The following CNTNAP2 variants were observed in gnomAD, a reference collection of about 807,000 sequenced individuals.
CNTNAP2 encodes contactin-associated protein-like 2.
In CNTNAP2, 98 loss-of-function variants were observed where a neutral mutation model predicts 155.2. The observed-to-expected ratio is 0.63, with a 90% confidence interval of 0.54 to 0.75. CNTNAP2 has a LOEUF of 0.75. Among genes scored for constraint, CNTNAP2 ranks in the 30% least tolerant of loss-of-function variants. The probability of loss-of-function intolerance (pLI) is 0.00; values close to 1 mark genes in which losing one functional copy is unlikely to be tolerated. For synonymous variants in CNTNAP2, 651 were observed against 631.2 expected (o/e 1.03, Z -0.47); for missense variants, 1,727 against 1,688.1 (o/e 1.02, Z -0.40).
chr7:146,547,033 C>G (rs531685307), intron 1 of CNTNAP2, among the ~76,000 whole-genome samples: 4 of 151,580 alleles, frequency 2.6e-5, no homozygotes, highest in Non-Finnish European at 5.9e-5. Flanking sequence ...TCGTTTAGGT[C>G]GTAAGCACTT....
chr7:146,731,385 T>A (rs1801523223), intron 1 of CNTNAP2, among the ~76,000 whole-genome samples: 1 of 151,584 alleles, frequency 6.6e-6, no homozygotes, highest in Non-Finnish European at 1.5e-5. Flanking sequence ...TATTTTATTT[T>A]TATTTTAATA....
intron 10 of CNTNAP2, among the ~76,000 whole-genome samples, chr7:147,482,685 C>T (rs1287140383): frequency 6.6e-6 from 1 of 151,376 alleles, no homozygotes; most frequent in Non-Finnish European, 1.5e-5. Flanking sequence ...CGCGCCACTG[C>T]ACTCCAGCCT....
At chr7:147,271,185 T>C (rs1001185154) in intron 8 of CNTNAP2, among the ~76,000 whole-genome samples, 12 of 152,188 alleles carry the variant, frequency 7.9e-5, no homozygotes, top group African/African-American at 2.7e-4. Flanking sequence ...TAGATCCTTG[T>C]CTTAGCTGCT....
At chr7:146,261,193 C>A (rs1799914353) in intron 1 of CNTNAP2, among the ~76,000 whole-genome samples, 1 of 152,048 alleles carries the variant, frequency 6.6e-6, no homozygotes, top group Admixed American at 6.6e-5. Flanking sequence ...GTCAATTAAA[C>A]CTCTTTTGTT....
At chr7:148,380,635 T>C (rs1799035313) in intron 21 of CNTNAP2, among the ~76,000 whole-genome samples, 1 of 14,574 alleles carries the variant, frequency 6.9e-5, no homozygotes, top group East Asian at 2.7e-3. Context: ...ATTTGACTTC[T>C]TTTTTTTTTA....
chr7:147,510,748 T>A (rs1193000680), intron 11 of CNTNAP2, among the ~76,000 whole-genome samples: 1 of 150,526 alleles, frequency 6.6e-6, no homozygotes, highest in Non-Finnish European at 1.5e-5. Flanking sequence ...GCTTGGTAGG[T>A]TAATATATGA....
At chr7:147,878,137 G>T (rs1477343362) in intron 13 of CNTNAP2, among the ~76,000 whole-genome samples, 2 of 102,212 alleles carry the variant, frequency 2.0e-5, no homozygotes, top group Non-Finnish European at 3.9e-5. Flanking sequence ...AGCATTGGAA[G>T]TTTAGGGTTT....
chr7:147,483,997 T>G (rs1268116521), intron 10 of CNTNAP2, among the ~76,000 whole-genome samples: 1 of 94,946 alleles, frequency 1.1e-5, no homozygotes, highest in Non-Finnish European at 2.0e-5. Flanking sequence ...CAGGCCCGGG[T>G]GAAATGTTCT....
chr7:146,878,537 A>G (rs1322370845), intron 3 of CNTNAP2, among the ~76,000 whole-genome samples: 1 of 152,006 alleles, frequency 6.6e-6, no homozygotes, highest in East Asian at 1.9e-4. Flanking sequence ...TCTTTTTAAT[A>G]TCATAAAGCA....
At chr7:146,566,917 A>G (rs1798366124) in intron 1 of CNTNAP2, among the ~76,000 whole-genome samples, 1 of 152,108 alleles carries the variant, frequency 6.6e-6, no homozygotes, top group South Asian at 2.1e-4. Context: ...ACACACATAC[A>G]TACCTCATTG....
intron 2 of CNTNAP2, among the ~76,000 whole-genome samples, chr7:146,834,515 G>A (rs1241494949): frequency 6.6e-6 from 1 of 152,140 alleles, no homozygotes; most frequent in East Asian, 1.9e-4. Flanking sequence ...GAGGATGGGA[G>A]GGGTGGGAAA....
At chr7:147,358,112 T>C (rs1284487238) in intron 9 of CNTNAP2, among the ~76,000 whole-genome samples, 4 of 152,166 alleles carry the variant, frequency 2.6e-5, no homozygotes, top group Admixed American at 6.6e-5. Flanking sequence ...GCCCTGAAGG[T>C]AAATGTAACT....
At chr7:148,181,916 CCAGG>C (rs563265080) in intron 18 of CNTNAP2, among the ~76,000 whole-genome samples, 523 of 151,930 alleles carry the variant, frequency 3.4e-3, no homozygotes, top group Non-Finnish European at 5.8e-3. Context: ...TGCCACCACA[CCAGG>C]CTAAATTTTT....
At chr7:146,637,227 T>A (rs996337777) in intron 1 of CNTNAP2, among the ~76,000 whole-genome samples, 1 of 152,212 alleles carries the variant, frequency 6.6e-6, no homozygotes. Flanking sequence ...TTGGGACACC[T>A]TGTAAAATAG....
chr7:148,331,033 G>A (rs1272481838), intron 21 of CNTNAP2, among the ~76,000 whole-genome samples: 6 of 151,418 alleles, frequency 4.0e-5, no homozygotes, highest in African/African-American at 1.2e-4. Flanking sequence ...GGATGGAGTG[G>A]ATGGATGGAA....
At chr7:147,760,323 A>T (rs1797280153) in intron 13 of CNTNAP2, among the ~76,000 whole-genome samples, 1 of 151,818 alleles carries the variant, frequency 6.6e-6, no homozygotes, top group South Asian at 2.1e-4. Flanking sequence ...CTACCCTAGG[A>T]ATTAAATGTG....
chr7:148,124,185 G>A lies in CNTNAP2; in HGVS notation c.2554+5897G>A, dbSNP rs76194346. Among the ~76,000 whole-genome samples the A allele has an allele frequency of 5.0e-3, 765 of 152,316 alleles. 13 individuals carry two copies. The highest frequency in any genetic ancestry group is 0.017 in the African/African-American group (723 of 41,566). On this transcript the variant is annotated intron_variant, in intron 16 of 23. Coordinates refer to ENST00000361727, the MANE Select transcript of CNTNAP2 (RefSeq NM_014141.6). ...TCGCAGCACCTCACAGGGGTGAGAG[G>A]AAGAGGCGGAAGTAAAGAGAACAGC...
At chr7:147,195,549 A>C (rs1349574858) in intron 8 of CNTNAP2, among the ~76,000 whole-genome samples, 1 of 152,146 alleles carries the variant, frequency 6.6e-6, no homozygotes, top group Non-Finnish European at 1.5e-5. Flanking sequence ...CCTATCCATG[A>C]GCATGGAATG....
intron 3 of CNTNAP2, among the ~76,000 whole-genome samples, chr7:147,010,414 C>A (rs1309876334): frequency 6.6e-6 from 1 of 151,242 alleles, no homozygotes; most frequent in South Asian, 2.1e-4. Context: ...ATGGATTATG[C>A]CTTCTTGAAA....
Sources: allele counts gnomAD v4.1 joint callset (sites outside exome capture counted in the v4.1 genomes callset), GRCh38; gene constraint gnomAD v4.1.1; transcripts MANE v1.5; gene names NCBI Gene and HGNC (gene_info 2026-07-23, HGNC 2026-07-21).